The following WT1 variants were observed in gnomAD, a reference collection of about 807,000 sequenced individuals.
WT1 encodes the protein WT1 transcription factor, also known as Wilms tumor protein.
Under a neutral mutation model 60.8 loss-of-function variants are expected in WT1, and 8 were observed. The ratio of observed to expected loss-of-function variants is 0.13; its 90% CI spans 0.08 to 0.24. The LOEUF is 0.24. Ranked by LOEUF, WT1 falls within the 10% of genes least tolerant of loss-of-function variation. The pLI is 1.00. For missense variants in WT1, 568 were observed against 711.8 expected (o/e 0.80, Z 2.30); for synonymous variants, 312 against 297.1 (o/e 1.05, Z -0.52).
chr11:32,401,506 G>T (rs78610193), intron 5 of WT1, among the ~76,000 whole-genome samples: 3 of 61,200 alleles, frequency 4.9e-5, no homozygotes, highest in African/African-American at 1.6e-4. Flanking sequence ...AAAAATTATC[G>T]GGGGGGGGTG....
intron 5 of WT1, among the ~76,000 whole-genome samples, chr11:32,408,675 A>T (rs1852403107): frequency 1.3e-5 from 2 of 152,162 alleles, no homozygotes; most frequent in African/African-American, 4.8e-5. Flanking sequence ...AGACTGTAAG[A>T]TAAAACAATC....
At chr11:32,417,242 T>C (rs5030199) in intron 4 of WT1, among the ~76,000 whole-genome samples, 6,873 of 152,322 alleles carry the variant, frequency 0.045, 211 homozygotes, top group Non-Finnish European at 0.073. Flanking sequence ...CTTGATAAGA[T>C]AGTGGAATGG....
At chr11:32,425,193 A>G (rs1177659598) in intron 3 of WT1, among the ~76,000 whole-genome samples, 1 of 151,896 alleles carries the variant, frequency 6.6e-6, no homozygotes, top group Non-Finnish European at 1.5e-5. Flanking sequence ...AAAAAAAAAA[A>G]AAAAAAGACT....
intron 1 of WT1, among the ~76,000 whole-genome samples, chr11:32,433,013 GC>G (rs1459660232): frequency 8.5e-5 from 13 of 152,260 alleles, no homozygotes; most frequent in Non-Finnish European, 1.6e-4. Context: ...CATATTTAAA[GC>G]CCCAAGAGGG....
chr11:32,422,277 C>A (rs1852879861), intron 3 of WT1, among the ~76,000 whole-genome samples: 1 of 152,208 alleles, frequency 6.6e-6, no homozygotes, highest in African/African-American at 2.4e-5. Context: ...CTGGGGATTC[C>A]ATTTCTATTA....
chr11:32,408,213 G>GAA (rs528702262), intron 5 of WT1, among the ~76,000 whole-genome samples: 21,743 of 107,812 alleles, frequency 0.2, 2,687 homozygotes, highest in East Asian at 0.66. Flanking sequence ...CTCCATCTCA[G>GAA]AAAAAAAAAA....
chr11:32,431,709 G>A (rs1025771365), intron 1 of WT1, among the ~76,000 whole-genome samples: 1 of 151,894 alleles, frequency 6.6e-6, no homozygotes, highest in South Asian at 2.1e-4. Flanking sequence ...CACCGCGTCC[G>A]GCCCAAGCAA....
intron 3 of WT1, among the ~76,000 whole-genome samples, chr11:32,425,749 A>T (rs1446633601): frequency 1.3e-5 from 2 of 152,218 alleles, no homozygotes; most frequent in East Asian, 3.8e-4. Flanking sequence ...AGAGGGAAAA[A>T]TAGTATTTTT....
At chr11:32,433,403 C>A (rs571153446) in intron 1 of WT1, among the ~76,000 whole-genome samples, 2 of 152,316 alleles carry the variant, frequency 1.3e-5, no homozygotes, top group African/African-American at 4.8e-5. Context: ...AAGGTAGGAG[C>A]GGCCTGAAGA....
rs5030139 is a variant in WT1 at position 32,434,539 on chromosome 11, C to A, written c.661+161G>T. ...CAGTGCCTGCGTGCACTCCCACTCT[C>A]CGGCCTCCTCCCCAGCCGCCGCTTC... On this transcript the variant is annotated intron_variant, in intron 1 of 9. Coordinates refer to ENST00000452863, the MANE Select transcript of WT1 (RefSeq NM_024426.6). 0.016 allele frequency among the ~76,000 whole-genome samples: 2,370 copies of A among 152,348 alleles called. 61 individuals are homozygous for A. The highest frequency in any genetic ancestry group is 0.097 in the South Asian group (469 of 4,830).
rs1438356342 is a variant in WT1, at chr11:32,422,428, C to G, written c.888-4774G>C. Among the ~76,000 whole-genome samples, 3 of 152,262 alleles carry G rather than the reference C, an allele frequency of 2.0e-5. No homozygotes were observed. In the East Asian group the frequency reaches 5.8e-4, roughly 29 times the overall value. ...GAAGCCGTTTCAGACCTTCCACCTT[C>G]TGCCTATCATTGCAGGAAACAAATA... On this transcript the variant is annotated intron_variant, in intron 3 of 9. Coordinates refer to ENST00000452863, the MANE Select transcript of WT1 (RefSeq NM_024426.6).
At chr11:32,394,625 T>C (rs752001502) in intron 7 of WT1, among the ~76,000 whole-genome samples, 1 of 152,236 alleles carries the variant, frequency 6.6e-6, no homozygotes, top group Non-Finnish European at 1.5e-5. Context: ...AAATGAAATA[T>C]ACATGTAGAG....
chr11:32,425,160 G>C (rs1200730900), intron 3 of WT1, among the ~76,000 whole-genome samples: 2 of 135,154 alleles, frequency 1.5e-5, no homozygotes, highest in Non-Finnish European at 3.1e-5. Flanking sequence ...CTGGGCGACA[G>C]AGTGAGACTG....
At chr11:32,420,717 T>C (rs1430226615) in intron 3 of WT1, among the ~76,000 whole-genome samples, 2 of 152,138 alleles carry the variant, frequency 1.3e-5, no homozygotes, top group Admixed American at 1.3e-4. Context: ...GACAAGAGTC[T>C]GGAGGTGAAA....
intron 6 of WT1, among the ~76,000 whole-genome samples, chr11:32,396,639 T>G (rs1851984776): frequency 6.6e-6 from 1 of 152,188 alleles, no homozygotes; most frequent in South Asian, 2.1e-4. Context: ...CAACCAGAAG[T>G]GGCTGTTGAG....
At chr11:32,392,086 A>G in intron 8 of WT1, 22 bp from the exon 9 acceptor site, 1 of 1,611,420 alleles carries the variant, frequency 6.2e-7, no homozygotes, top group Non-Finnish European at 8.5e-7. Flanking sequence ...GAGAAGGTCT[A>G]GCCTCGGCCC....
At chr11:32,413,265 A>C (rs925158434) in intron 5 of WT1, among the ~76,000 whole-genome samples, 2 of 152,242 alleles carry the variant, frequency 1.3e-5, no homozygotes, top group African/African-American at 4.8e-5. Context: ...CAACCTTGTC[A>C]CATGATTTTT....
chr11:32,417,158 T>C (rs1384678106), intron 4 of WT1, among the ~76,000 whole-genome samples: 1 of 152,242 alleles, frequency 6.6e-6, no homozygotes, highest in Non-Finnish European at 1.5e-5. Flanking sequence ...TGGGCGTATC[T>C]GACTGTGAAT....
chr11:32,428,711 C>T lies in WT1; in HGVS notation c.662-92G>A, dbSNP rs575563762. 18 of 1,535,346 alleles carry T rather than the reference C, an allele frequency of 1.2e-5. No individual in the cohort carries two copies. In the South Asian group the frequency reaches 1.7e-4, roughly 14 times the overall value. On this transcript the variant is annotated intron_variant, in intron 1 of 9. Coordinates refer to ENST00000452863, the MANE Select transcript of WT1 (RefSeq NM_024426.6). ...ACCAGCCACGGGCGGGGGGGGTGTGCGCTGAACCCCGCATTCGGACCCCCA... is the reference window on the plus strand; with the variant it reads ...ACCAGCCACGGGCGGGGGGGGTGTGTGCTGAACCCCGCATTCGGACCCCCA...
Sources: gnomAD v4.1 joint callset for allele counts (sites outside exome capture counted in the v4.1 genomes callset) on GRCh38, gnomAD v4.1.1 for gene constraint, MANE v1.5 for transcripts, NCBI Gene and HGNC (gene_info 2026-07-23, HGNC 2026-07-21) for gene names.